ARL15: variants seen among roughly 807,000 people sequenced by gnomAD.
ARL15 encodes ARF like GTPase 15.
Under a neutral mutation model 25.2 loss-of-function variants are expected in ARL15, and 19 were observed. The ratio of observed to expected loss-of-function variants is 0.75; its 90% CI spans 0.53 to 1.10. The LOEUF is 1.10. Among genes scored for constraint, ARL15 ranks in the 50% least tolerant of loss-of-function variants. ARL15 has a pLI of 0.00. For missense variants in ARL15, 220 were observed against 246.0 expected (o/e 0.89, Z 0.71); for synonymous variants, 94 against 86.8 (o/e 1.08, Z -0.46).
At chr5:54,170,250 C>T (rs933355917) in intron 2 of ARL15, among the ~76,000 whole-genome samples, 1 of 152,096 alleles carries the variant, frequency 6.6e-6, no homozygotes, top group African/African-American at 2.4e-5. Context: ...CTCTTCTTCC[C>T]CCTGTAACTG....
At chr5:54,085,245 G>A (rs1036277949) in intron 4 of ARL15, among the ~76,000 whole-genome samples, 1 of 152,104 alleles carries the variant, frequency 6.6e-6, no homozygotes, top group Admixed American at 6.5e-5. Flanking sequence ...AGATACTACA[G>A]AACAATCTTT....
chr5:54,199,430 T>A (rs1052347129), intron 1 of ARL15, among the ~76,000 whole-genome samples: 3 of 151,456 alleles, frequency 2.0e-5, no homozygotes, highest in African/African-American at 7.3e-5. Context: ...GAATCTACAA[T>A]GAACTCTAAC....
intron 3 of ARL15, among the ~76,000 whole-genome samples, chr5:54,141,377 A>T (rs1347666101): frequency 6.6e-6 from 1 of 152,062 alleles, no homozygotes; most frequent in African/African-American, 2.4e-5. Flanking sequence ...TCTTTTTTCA[A>T]GCTTTTTTTA....
At chr5:54,043,761 C>A (rs1388350689) in intron 4 of ARL15, among the ~76,000 whole-genome samples, 1 of 151,610 alleles carries the variant, frequency 6.6e-6, no homozygotes, top group African/African-American at 2.4e-5. Context: ...TAAACAATGA[C>A]CATGAAACTT....
chr5:54,163,772 T>G (rs922553355), intron 2 of ARL15, among the ~76,000 whole-genome samples: 2 of 152,020 alleles, frequency 1.3e-5, no homozygotes, highest in African/African-American at 4.8e-5. Flanking sequence ...TTCCTGATAT[T>G]GGTTATTTGT....
chr5:53,895,583 C>T (rs920865939), intron 4 of ARL15, among the ~76,000 whole-genome samples: 6 of 152,124 alleles, frequency 3.9e-5, no homozygotes, highest in Admixed American at 3.9e-4. Context: ...GTTATTGTTA[C>T]TTTGCAGTTT....
At chr5:54,099,334 G>T (rs1412487247) in intron 4 of ARL15, among the ~76,000 whole-genome samples, 1 of 151,928 alleles carries the variant, frequency 6.6e-6, no homozygotes, top group East Asian at 1.9e-4. Context: ...CAAAAGATTT[G>T]GTTTTCCTGG....
intron 4 of ARL15, among the ~76,000 whole-genome samples, chr5:54,069,945 G>A (rs1013755560): frequency 6.7e-6 from 1 of 148,640 alleles, no homozygotes; most frequent in Non-Finnish European, 1.5e-5. Flanking sequence ...AAAGTGCTGG[G>A]ATTACAGGCG....
chr5:54,062,384 C>G (rs1445160975), intron 4 of ARL15, among the ~76,000 whole-genome samples: 1 of 151,918 alleles, frequency 6.6e-6, no homozygotes, highest in Non-Finnish European at 1.5e-5. Flanking sequence ...GGCTGTGTCC[C>G]CACCCAAATC....
chr5:53,999,461 G>C (rs534673403), intron 4 of ARL15, among the ~76,000 whole-genome samples: 3 of 151,880 alleles, frequency 2.0e-5, no homozygotes, highest in Admixed American at 6.6e-5. Context: ...ATGGTGGTGC[G>C]GGCCTGTAAT....
chr5:54,045,140 T>C (rs1012233927), intron 4 of ARL15, among the ~76,000 whole-genome samples: 2 of 152,152 alleles, frequency 1.3e-5, no homozygotes, highest in African/African-American at 4.8e-5. Context: ...GTACCAAACG[T>C]GGCACTCCTA....
chr5:54,203,189 G>C (rs1488363985), intron 1 of ARL15, among the ~76,000 whole-genome samples: 1 of 151,990 alleles, frequency 6.6e-6, no homozygotes, highest in Non-Finnish European at 1.5e-5. Context: ...CCCCCTCACT[G>C]TTAAATACAC....
intron 1 of ARL15, among the ~76,000 whole-genome samples, chr5:54,269,545 T>C (rs1757723284): frequency 6.6e-6 from 1 of 152,224 alleles, no homozygotes; most frequent in African/African-American, 2.4e-5. Context: ...TGTTGACAAA[T>C]CCATAATGTA....
intron 1 of ARL15, among the ~76,000 whole-genome samples, chr5:54,194,241 T>G (rs1464184290): frequency 6.6e-6 from 1 of 152,144 alleles, no homozygotes; most frequent in Non-Finnish European, 1.5e-5. Context: ...ACATCAATTA[T>G]TATCAGAGGC....
At chr5:54,177,017 A>G (rs1409993245) in intron 1 of ARL15, among the ~76,000 whole-genome samples, 1 of 152,158 alleles carries the variant, frequency 6.6e-6, no homozygotes, top group Non-Finnish European at 1.5e-5. Flanking sequence ...CTCCCCTGGT[A>G]GCAGCAAATA....
intron 3 of ARL15, among the ~76,000 whole-genome samples, chr5:54,136,177 C>T (rs377609081): frequency 1.3e-5 from 2 of 152,160 alleles, no homozygotes; most frequent in East Asian, 3.8e-4. Context: ...TTCATTGACT[C>T]ATTTAGTACA....
intron 2 of ARL15, among the ~76,000 whole-genome samples, chr5:54,159,286 G>A (rs1054018167): frequency 1.3e-5 from 2 of 152,152 alleles, no homozygotes; most frequent in Non-Finnish European, 1.5e-5. Context: ...GGGAAAAAGT[G>A]TTCAACTGAC....
chr5:54,239,710 C>T (rs1380984336), intron 1 of ARL15, among the ~76,000 whole-genome samples: 3 of 152,138 alleles, frequency 2.0e-5, no homozygotes, highest in Admixed American at 6.5e-5. Flanking sequence ...TTTCTACTGT[C>T]TGAAACGTGG....
chr5:54,107,505 TGCTTGTTCTGCTC>T (rs1438487377), intron 4 of ARL15, among the ~76,000 whole-genome samples: 6 of 152,148 alleles, frequency 3.9e-5, no homozygotes, highest in Non-Finnish European at 8.8e-5. Context: ...ATAGGAAGTT[TGCTTGTTCTGCTC>T]TGTGTTGAAA....
Sources: allele counts gnomAD v4.1 joint callset (sites outside exome capture counted in the v4.1 genomes callset), GRCh38; gene constraint gnomAD v4.1.1; transcripts MANE v1.5; gene names NCBI Gene and HGNC (gene_info 2026-07-23, HGNC 2026-07-21).